CARS2: variants seen among roughly 807,000 people sequenced by gnomAD.
CARS2 encodes probable cysteine--tRNA ligase, mitochondrial.
Under a neutral mutation model 68.8 loss-of-function variants are expected in CARS2, and 52 were observed. The ratio of observed to expected loss-of-function variants is 0.76; its 90% confidence interval spans 0.61 to 0.95. CARS2 has a LOEUF of 0.95. CARS2 is among the 40% of genes least tolerant of loss of function. The pLI, the probability that CARS2 is intolerant of heterozygous loss-of-function variation, is 0.00. For synonymous variants in CARS2, 314 were observed against 303.6 expected, an observed-to-expected ratio of 1.03 and a Z score of -0.36; for missense variants, 780 against 754.2, an observed-to-expected ratio of 1.03 and a Z score of -0.40.
Position 110,713,052 on chromosome 13 carries a change from TC to T in CARS2, n.399+84del, listed in dbSNP as rs1450844860. Reference sequence around the variant, plus strand: ...GTGCCAGTGCGCATGCGCCGCCACTTCCGCCCGTGCCCGGCCCTCCCCTTCC... The same window carrying T: ...GTGCCAGTGCGCATGCGCCGCCACTTCGCCCGTGCCCGGCCCTCCCCTTCC... On this transcript the variant is annotated intron_variant and non_coding_transcript_variant, in intron 1 of 2. Coordinates refer to the CARS2 transcript ENST00000485188. 2.7e-6 allele frequency: 4 copies of T among 1,466,844 alleles called. No individual in the cohort carries two copies. In the East Asian group the frequency reaches 7.5e-5, roughly 27 times the overall value. 90.9% of individuals were successfully genotyped at this position (1,466,844 alleles called of 1,614,324 possible).
At position 110,642,403 on chromosome 13, in the gene CARS2, CG is replaced by C. The variant is rs1566632285; in HGVS notation, c.1534del (p.Arg512GlyfsTer6). The C allele has an allele frequency of 6.3e-7, 1 of 1,582,326 alleles. No individual in the cohort carries two copies. Reference protein sequence around the residue: ...LAMPEATGDARRQQLLERQPL... With the variant: ...LAMPEATGDAXRQQLLERQPL... ...CTGCCTTTCTAGGAGCTGCTGCCGCCGGGCGTCCCCCGTGGCCTCGGGCATG... is the reference window on the plus strand; with the variant it reads ...CTGCCTTTCTAGGAGCTGCTGCCGCCGGCGTCCCCCGTGGCCTCGGGCATG... On this transcript the variant is annotated frameshift_variant, in exon 14 of 15. Coordinates refer to ENST00000257347, the MANE Select transcript of CARS2 (RefSeq NM_024537.4). LOFTEE classifies it high-confidence loss of function.
At chr13:110,671,629 G>A (rs1026062286) in intron 7 of CARS2, among the ~76,000 whole-genome samples, 18 of 152,170 alleles carry the variant, frequency 1.2e-4, no homozygotes, top group African/African-American at 3.1e-4. Context: ...TGTAAAGACC[G>A]TCAAGGCTAG....
intron 7 of CARS2, among the ~76,000 whole-genome samples, chr13:110,674,308 T>C (rs554527740): frequency 2.0e-5 from 3 of 152,112 alleles, no homozygotes; most frequent in Non-Finnish European, 2.9e-5. Flanking sequence ...GCTACCTGAC[T>C]TCAAACTATA....
rs1448489781 is a variant in CARS2 at position 110,676,433 on chromosome 13, G to A, written c.785+541C>T. Among the ~76,000 whole-genome samples the A allele has an allele frequency of 1.3e-5, 2 of 152,188 alleles. No homozygotes were observed. On this transcript the variant is annotated intron_variant, in intron 7 of 14. Transcript: ENST00000257347. The surrounding 1 kb of genome is among the most constrained non-coding windows in gnomAD (Gnocchi z 4.0). ...AGAGCAGTGTCGTGTGACTGAGTGGGGGCGGCAGGCAGCTGCGGTCCCAGG... is the reference window on the plus strand; with the variant it reads ...AGAGCAGTGTCGTGTGACTGAGTGGAGGCGGCAGGCAGCTGCGGTCCCAGG...
chr13:110,657,132 T>C (rs1468370066), intron 9 of CARS2, among the ~76,000 whole-genome samples: 1 of 120,516 alleles, frequency 8.3e-6, no homozygotes, highest in Non-Finnish European at 1.6e-5. Flanking sequence ...AAACAAAAAG[T>C]TGATATGCTC....
At chr13:110,703,980 G>A (rs896620758) in intron 2 of CARS2, among the ~76,000 whole-genome samples, 1 of 152,220 alleles carries the variant, frequency 6.6e-6, no homozygotes, top group African/African-American at 2.4e-5. Flanking sequence ...CCTCATAGAA[G>A]AGACCTCAGA....
intron 13 of CARS2, chr13:110,644,169 CGA>C (rs1178708642): frequency 2.8e-5 from 41 of 1,449,282 alleles, no homozygotes; most frequent in Non-Finnish European, 3.7e-5. Context: ...GTTCTGCGCA[CGA>C]GAGTTTGCCA....
chr13:110,649,931 C>T (rs951068884), intron 10 of CARS2, among the ~76,000 whole-genome samples: 6 of 73,146 alleles, frequency 8.2e-5, no homozygotes, highest in Admixed American at 1.5e-4. Context: ...TGGATAACGA[C>T]TTTTTTTTTT....
chr13:110,672,814 G>A (rs1455632391), intron 7 of CARS2, among the ~76,000 whole-genome samples: 8 of 151,990 alleles, frequency 5.3e-5, no homozygotes, highest in Non-Finnish European at 1.2e-4. Context: ...TTGATAGACC[G>A]CTAGCAAGAC....
chr13:110,673,151 G>C (rs1439460979), intron 7 of CARS2, among the ~76,000 whole-genome samples: 28 of 152,266 alleles, frequency 1.8e-4, no homozygotes, highest in Admixed American at 3.9e-4. Context: ...GGAGGAGCTG[G>C]TACCATTCCT....
At chr13:110,702,683 G>A (rs746477090) in intron 2 of CARS2, among the ~76,000 whole-genome samples, 2 of 152,230 alleles carry the variant, frequency 1.3e-5, no homozygotes, top group African/African-American at 2.4e-5. Context: ...CAGAGCTGGC[G>A]GAATGCAGGG....
Position 110,687,722 on chromosome 13 carries a change from T to A in CARS2, c.570A>T (p.Lys190Asn). The change falls in exon 5 of 15, where the codon AAA becomes AAT. Residue 190 changes from lysine (K) to asparagine (N), a missense_variant and splice_region_variant. Coordinates refer to ENST00000257347, the MANE Select transcript of CARS2 (RefSeq NM_024537.4). ...AAAAAAAAAGAACATAAACCCTACC[T>A]TTTGCCGTTGAATAAGCGTTCCCAC... ...IARGNAYSTA[K>N]GNVYFDLKSR... 1 of 1,565,538 alleles carries A rather than the reference T, an allele frequency of 6.4e-7. No individual in the cohort carries two copies. Among genetic ancestry groups the A allele is most frequent in the Non-Finnish European group, 8.7e-7 (1 of 1,143,356 alleles).
In CARS2 at chr13:110,700,062, G is replaced by A. The variant is rs76172120; in HGVS notation, c.393+1376C>T. On this transcript the variant is annotated intron_variant, in intron 3 of 14. Transcript: ENST00000257347. ...CCCAGAGATAGCTGAAGTCAGAGCT[G>A]TGGGAGTGGCCCTGCCCCTGAAGGT... Among the ~76,000 whole-genome samples the A allele has an allele frequency of 1.9e-4, 29 of 152,356 alleles. No homozygotes were observed. The East Asian group carries it at 2.3e-3, about 12-fold the overall frequency.
At chr13:110,701,304 T>A (rs2063778095) in intron 3 of CARS2, 134 bp downstream of exon 3, 1 of 601,424 alleles carries the variant, frequency 1.7e-6, no homozygotes. Context: ...CCTCAAGTGA[T>A]CCACCTGTCT....
At chr13:110,654,721 C>G (rs1193476280) in intron 9 of CARS2, among the ~76,000 whole-genome samples, 1 of 151,616 alleles carries the variant, frequency 6.6e-6, no homozygotes. Flanking sequence ...AGTTTGAGAC[C>G]AGCCTGGGCA....
Position 110,663,478 on chromosome 13 carries a change from T to C in CARS2, c.960A>G (p.Lys320=), listed in dbSNP as rs1407506343. 1 of 1,613,938 alleles carries C rather than the reference T, an allele frequency of 6.2e-7. No homozygotes were observed. Among genetic ancestry groups the C allele is most frequent in the Admixed American group, 1.7e-5 (1 of 59,966 alleles). ...TAATAGTAATGTAGTTCTTTAATGATTTGGACATTTTTTCTTCTTTGCCTT... is the reference window on the plus strand; with the variant it reads ...TAATAGTAATGTAGTTCTTTAATGACTTGGACATTTTTTCTTCTTTGCCTT... The part of the protein sequence containing the change: ...HAKGKEEKMS[K]SLKNYITIKD... Residue 320 remains lysine (K), a synonymous_variant, in exon 9 of 15, where the codon AAA becomes AAG. Transcript: ENST00000257347.
intron 9 of CARS2, among the ~76,000 whole-genome samples, chr13:110,656,344 C>A (rs2062366103): frequency 6.6e-6 from 1 of 152,090 alleles, no homozygotes. Flanking sequence ...AAGAGAGAGA[C>A]CACCACACTG....
chr13:110,688,507 C>T (rs2063369258), intron 3 of CARS2, among the ~76,000 whole-genome samples: 1 of 152,118 alleles, frequency 6.6e-6, no homozygotes, highest in Non-Finnish European at 1.5e-5. Context: ...GGATCCTCCA[C>T]TTTTCTAAGA....
intron 9 of CARS2, among the ~76,000 whole-genome samples, chr13:110,656,354 G>A (rs765373707): frequency 6.6e-6 from 1 of 152,100 alleles, no homozygotes; most frequent in Non-Finnish European, 1.5e-5. Context: ...CCACCACACT[G>A]GAAACAAACA....
Sources: gnomAD v4.1 joint callset for allele counts (sites outside exome capture counted in the v4.1 genomes callset) on GRCh38, gnomAD v4.1.1 for gene constraint, Gnocchi (gnomAD v3.1) non-coding constraint, MANE v1.5 for transcripts, NCBI Gene and HGNC (gene_info 2026-07-23, HGNC 2026-07-21) for gene names.